GRK3: variants seen among roughly 807,000 people sequenced by gnomAD.
GRK3 encodes adrenergic, beta, receptor kinase 2.
In GRK3, 54 loss-of-function variants were observed where a neutral mutation model predicts 95.7. The observed-to-expected ratio is 0.56, with a 90% CI of 0.45 to 0.71. The LOEUF (loss-of-function observed/expected upper bound fraction) is 0.71, where lower values mean the gene tolerates loss of function less well. Among genes scored for constraint, GRK3 ranks in the 30% least tolerant of loss-of-function variants. The pLI is 0.00. For synonymous variants in GRK3, 281 were observed against 290.8 expected (o/e 0.97, Z 0.34); for missense variants, 649 against 851.2 (o/e 0.76, Z 2.96).
At chr22:25,636,252 C>T (rs1177710115) in intron 2 of GRK3, among the ~76,000 whole-genome samples, 1 of 152,172 alleles carries the variant, frequency 6.6e-6, no homozygotes, top group Non-Finnish European at 1.5e-5. Flanking sequence ...TAGAAGTGCT[C>T]ATTGCTGCCG....
rs964471888 is a variant in GRK3, at chr22:25,649,108, A to T, written c.264+4443A>T. The T allele has an allele frequency of 2.0e-6, 3 of 1,524,910 alleles. No homozygotes were observed. The African/African-American group carries it at 4.1e-5, about 21-fold the overall frequency. 94.5% of individuals were successfully genotyped at this position (1,524,910 alleles called of 1,614,324 possible). ...CCTCAGGGCTGTCCAGAATCCCTCCATGAATTGATGAATCTGTGTTGGAAG... is the reference window on the plus strand; with the variant it reads ...CCTCAGGGCTGTCCAGAATCCCTCCTTGAATTGATGAATCTGTGTTGGAAG... On this transcript the variant is annotated intron_variant, in intron 3 of 20. Transcript: ENST00000324198.
chr22:25,669,752 T>C (rs987999749), intron 6 of GRK3, among the ~76,000 whole-genome samples: 2 of 152,230 alleles, frequency 1.3e-5, no homozygotes, highest in African/African-American at 4.8e-5. Context: ...AAATCCATTC[T>C]TAGTGGGCAA....
intron 16 of GRK3, 111 bp downstream of exon 16, chr22:25,710,075 G>A: frequency 1.2e-6 from 1 of 822,126 alleles, no homozygotes; most frequent in Non-Finnish European, 2.1e-6. Flanking sequence ...CTTCCTGGCT[G>A]TGTCTCCCCA....
chr22:25,588,665 G>A (rs1037608775), intron 1 of GRK3, among the ~76,000 whole-genome samples: 6 of 152,074 alleles, frequency 3.9e-5, no homozygotes, highest in Non-Finnish European at 5.9e-5. Flanking sequence ...TTCATTTTGG[G>A]GGAACAGAAT....
At position 25,604,444 on chromosome 22, in the gene GRK3, C is replaced by G. The variant is rs2084430315; in HGVS notation, c.181C>G (p.Gln61Glu). ...AATAACCTTTGACAAGATTTTCAATCAGAAAATTGGTAAGTCCTGCTTGTT... is the reference window on the plus strand; with the variant it reads ...AATAACCTTTGACAAGATTTTCAATGAGAAAATTGGTAAGTCCTGCTTGTT... ...NEITFDKIFN[Q>E]KIGFLLFKDF... Residue 61 changes from glutamine (Q) to glutamate (E), a missense_variant, in exon 2 of 21, where the codon CAG becomes GAG. Physicochemically the swap from Gln to Glu is conservative, Grantham distance 29. This residue lies in a region of GRK3 where 206 missense variants were observed against 231.4 expected (regional missense o/e 0.89). Transcript: ENST00000324198. 1.9e-6 allele frequency: 3 copies of G among 1,609,840 alleles called. No individual in the cohort carries two copies. Among genetic ancestry groups the G allele is most frequent in the East Asian group, 2.2e-5 (1 of 44,802 alleles).
intron 8 of GRK3, 83 bp downstream of exon 8, chr22:25,674,611 G>A (rs896532468): frequency 6.7e-6 from 7 of 1,039,470 alleles, no homozygotes; most frequent in South Asian, 2.8e-5. Context: ...ATAAAGAAAT[G>A]TGGAAACCTA....
intron 3 of GRK3, among the ~76,000 whole-genome samples, chr22:25,650,139 C>CTGGGTGCT (rs1569179590): frequency 6.6e-6 from 1 of 151,880 alleles, no homozygotes; most frequent in Non-Finnish European, 1.5e-5. Context: ...TTACAGGTAG[C>CTGGGTGCT]ACCCTGTAAT....
intron 11 of GRK3, among the ~76,000 whole-genome samples, chr22:25,688,053 A>G (rs5761155): frequency 0.84 from 127,665 of 152,044 alleles, 53,883 homozygotes; most frequent in East Asian, 0.94. Flanking sequence ...TGGCTAACAC[A>G]GTGAAACCCC....
chr22:25,621,004 T>A (rs1300864921), intron 2 of GRK3, among the ~76,000 whole-genome samples: 2 of 152,244 alleles, frequency 1.3e-5, no homozygotes, highest in Non-Finnish European at 2.9e-5. Context: ...TTTGATTTGA[T>A]CTTTAAGTAC....
intron 2 of GRK3, among the ~76,000 whole-genome samples, chr22:25,633,743 T>G (rs904729708): frequency 3.9e-5 from 6 of 152,188 alleles, no homozygotes; most frequent in African/African-American, 1.2e-4. Flanking sequence ...AAATGGTTGA[T>G]TGTGTATTTC....
At chr22:25,570,586 T>A (rs542656883) in intron 1 of GRK3, among the ~76,000 whole-genome samples, 5 of 152,380 alleles carry the variant, frequency 3.3e-5, no homozygotes, top group African/African-American at 1.2e-4. Flanking sequence ...TGCATGGCTA[T>A]CATTGTCTCT....
At chr22:25,611,531 T>C (rs187000728) in intron 2 of GRK3, among the ~76,000 whole-genome samples, 1 of 152,318 alleles carries the variant, frequency 6.6e-6, no homozygotes, top group East Asian at 1.9e-4. Context: ...TAGGAAGTGG[T>C]ATCTTGTTGT....
intron 17 of GRK3, 108 bp from the exon 18 acceptor site, chr22:25,714,300 A>G: frequency 2.3e-6 from 2 of 873,348 alleles, no homozygotes; most frequent in Non-Finnish European, 3.5e-6. Context: ...CCATCTAGTC[A>G]TCTTCCTATA....
chr22:25,627,483 C>T (rs1266328175), intron 2 of GRK3, among the ~76,000 whole-genome samples: 1 of 152,224 alleles, frequency 6.6e-6, no homozygotes, highest in Non-Finnish European at 1.5e-5. Context: ...TGCCTTTGAG[C>T]ACTGATTCAT....
intron 2 of GRK3, among the ~76,000 whole-genome samples, chr22:25,608,977 A>T (rs2084474321): frequency 6.6e-6 from 1 of 152,230 alleles, no homozygotes; most frequent in Non-Finnish European, 1.5e-5. Context: ...GTTATGTGCC[A>T]GTTACTTTTA....
rs143555306 is a variant in GRK3 at position 25,635,830 on chromosome 22, T to G, written c.191-8762T>G. On this transcript the variant is annotated intron_variant, in intron 2 of 20. Coordinates refer to ENST00000324198, the MANE Select transcript of GRK3 (RefSeq NM_005160.4). Reference sequence around the variant, plus strand: ...GTAAATATTCTGCTCCTACTCAAACTTATCCACTAGTTTTGGCACCCATCA... The same window carrying G: ...GTAAATATTCTGCTCCTACTCAAACGTATCCACTAGTTTTGGCACCCATCA... Among the ~76,000 whole-genome samples, 553 of 152,350 alleles carry G rather than the reference T, an allele frequency of 3.6e-3. 6 individuals are homozygous for G. The highest frequency in any genetic ancestry group is 0.012 in the African/African-American group (511 of 41,578).
intron 8 of GRK3, among the ~76,000 whole-genome samples, chr22:25,676,481 G>A (rs2085030504): frequency 6.6e-6 from 1 of 152,134 alleles, no homozygotes. Flanking sequence ...CACGAGGTCA[G>A]GAGATCGAGA....
intron 1 of GRK3, among the ~76,000 whole-genome samples, chr22:25,601,670 C>CCACTAAGTATGTTGAA (rs2084410387): frequency 2.0e-4 from 30 of 152,054 alleles, no homozygotes; most frequent in Admixed American, 2.0e-3. Context: ...CAGAGATAGA[C>CCACTAAGTATGTTGAA]CTGCACATAC....
At chr22:25,576,707 A>G (rs908429479) in intron 1 of GRK3, among the ~76,000 whole-genome samples, 3 of 152,206 alleles carry the variant, frequency 2.0e-5, no homozygotes, top group Non-Finnish European at 4.4e-5. Context: ...GCGTATTTTC[A>G]GAAAAACCTT....
Sources: allele counts gnomAD v4.1 joint callset (sites outside exome capture counted in the v4.1 genomes callset), GRCh38; gene constraint gnomAD v4.1.1; regional missense constraint gnomAD v4.1.1; transcripts MANE v1.5; gene names NCBI Gene and HGNC (gene_info 2026-07-23, HGNC 2026-07-21).